NKAIN3: variants seen among roughly 807,000 people sequenced by gnomAD.
NKAIN3 encodes the protein sodium/potassium transporting ATPase interacting 3, also known as sodium/potassium-transporting ATPase subunit beta-1-interacting protein 3.
Under a neutral mutation model 30.2 loss-of-function variants are expected in NKAIN3, and 25 were observed. The ratio of observed to expected loss-of-function variants is 0.83; its 90% confidence interval spans 0.60 to 1.16. The LOEUF is 1.16. NKAIN3 is among the 50% of genes most tolerant of loss of function. The pLI, the probability that NKAIN3 is intolerant of heterozygous loss-of-function variation, is 0.00. For missense variants in NKAIN3, 225 were observed against 254.1 expected, an observed-to-expected ratio of 0.89 and a Z score of 0.78; for synonymous variants, 91 against 89.6, an observed-to-expected ratio of 1.02 and a Z score of -0.09.
intron 1 of NKAIN3, among the ~76,000 whole-genome samples, chr8:62,415,154 T>C (rs564857260): frequency 3.1e-4 from 44 of 142,202 alleles, no homozygotes; most frequent in Non-Finnish European, 4.9e-4. Context: ...TATTATATAC[T>C]ATAGTATATT....
At chr8:62,456,561 C>T (rs1805827318) in intron 1 of NKAIN3, among the ~76,000 whole-genome samples, 1 of 151,884 alleles carries the variant, frequency 6.6e-6, no homozygotes, top group African/African-American at 2.4e-5. Flanking sequence ...TTCTTGATCT[C>T]TGAGAGGGCC....
chr8:62,314,456 C>T (rs987329620), intron 1 of NKAIN3, among the ~76,000 whole-genome samples: 2 of 152,150 alleles, frequency 1.3e-5, no homozygotes, highest in African/African-American at 4.8e-5. Flanking sequence ...CTGAGGTTTG[C>T]GATGAAACCG....
At chr8:62,637,284 C>A (rs1263757231) in intron 3 of NKAIN3, among the ~76,000 whole-genome samples, 1 of 152,148 alleles carries the variant, frequency 6.6e-6, no homozygotes, top group Non-Finnish European at 1.5e-5. Flanking sequence ...ATGGATCAAG[C>A]AAGCCGTGGA....
chr8:62,680,417 T>C (rs1813613492), intron 3 of NKAIN3, among the ~76,000 whole-genome samples: 1 of 152,200 alleles, frequency 6.6e-6, no homozygotes, highest in Admixed American at 6.5e-5. Context: ...TCAGTTGTTA[T>C]AGCAGGCATA....
chr8:62,371,772 A>G lies in NKAIN3; in HGVS notation c.54+122645A>G, dbSNP rs114393277. On this transcript the variant is annotated intron_variant, in intron 1 of 6. Transcript: ENST00000623646. Reference sequence around the variant, plus strand: ...TACTTTAATGCATTCTTTATTTCACATACCCCTATTTTATTGTATGTTGCT... The same window carrying G: ...TACTTTAATGCATTCTTTATTTCACGTACCCCTATTTTATTGTATGTTGCT... Among the ~76,000 whole-genome samples the G allele has an allele frequency of 6.2e-3, 941 of 152,040 alleles. 10 individuals carry two copies. The highest frequency in any genetic ancestry group is 0.022 in the African/African-American group (901 of 41,542).
At chr8:62,791,762 A>G (rs775674758) in intron 4 of NKAIN3, among the ~76,000 whole-genome samples, 5 of 152,114 alleles carry the variant, frequency 3.3e-5, no homozygotes, top group Non-Finnish European at 5.9e-5. Context: ...TGAAAAAACT[A>G]TTATCCATCT....
At chr8:62,320,472 G>A (rs62266816) in intron 1 of NKAIN3, among the ~76,000 whole-genome samples, 3,014 of 152,090 alleles carry the variant, frequency 0.02, 99 homozygotes, top group African/African-American at 0.066. Context: ...GGCTGGTACC[G>A]GTTGTTCCTT....
intron 5 of NKAIN3, among the ~76,000 whole-genome samples, chr8:62,936,265 G>A (rs184967214): frequency 6.6e-6 from 1 of 152,228 alleles, no homozygotes; most frequent in East Asian, 1.9e-4. Context: ...AGGAGTGGGA[G>A]TAGACATCCG....
intron 3 of NKAIN3, among the ~76,000 whole-genome samples, chr8:62,597,242 C>T (rs146999711): frequency 1.9e-3 from 282 of 152,190 alleles, no homozygotes; most frequent in African/African-American, 6.6e-3. Flanking sequence ...AAGCTTACCA[C>T]TGGGGCTTGG....
chr8:62,949,731 T>C (rs1203736692), intron 5 of NKAIN3, among the ~76,000 whole-genome samples: 2 of 152,076 alleles, frequency 1.3e-5, no homozygotes, highest in African/African-American at 4.8e-5. Flanking sequence ...TGCTTTTTTT[T>C]TTTCTAAAAT....
At chr8:62,859,605 C>CGT (rs766002250) in intron 4 of NKAIN3, among the ~76,000 whole-genome samples, 36 of 145,184 alleles carry the variant, frequency 2.5e-4, no homozygotes, top group South Asian at 1.1e-3. Context: ...TACATATATG[C>CGT]GTGTGTGTGT....
chr8:62,706,066 A>G (rs946769228), intron 3 of NKAIN3, among the ~76,000 whole-genome samples: 10 of 152,124 alleles, frequency 6.6e-5, no homozygotes, highest in African/African-American at 1.9e-4. Context: ...GGGAATCCCA[A>G]TAGTTTTTGT....
At chr8:62,632,382 A>C (rs1292336732) in intron 3 of NKAIN3, among the ~76,000 whole-genome samples, 1 of 152,214 alleles carries the variant, frequency 6.6e-6, no homozygotes, top group Non-Finnish European at 1.5e-5. Context: ...TACCTTTTAC[A>C]TATATTATTA....
chr8:62,788,971 C>T (rs1817614957), intron 4 of NKAIN3, among the ~76,000 whole-genome samples: 1 of 152,120 alleles, frequency 6.6e-6, no homozygotes, highest in Non-Finnish European at 1.5e-5. Context: ...TAGCATGATG[C>T]CTCCAGCTTT....
chr8:62,501,266 C>G (rs1309698009), intron 1 of NKAIN3, among the ~76,000 whole-genome samples: 1 of 152,138 alleles, frequency 6.6e-6, no homozygotes, highest in Non-Finnish European at 1.5e-5. Flanking sequence ...TGAGTAGCTA[C>G]TGGGGGCCCC....
intron 1 of NKAIN3, among the ~76,000 whole-genome samples, chr8:62,359,538 G>C (rs1254591357): frequency 1.3e-5 from 2 of 152,166 alleles, no homozygotes; most frequent in Non-Finnish European, 2.9e-5. Context: ...TGGTCCAAGG[G>C]AAGAGGACAG....
At chr8:62,953,394 G>A (rs1043512710) in intron 5 of NKAIN3, among the ~76,000 whole-genome samples, 1 of 152,192 alleles carries the variant, frequency 6.6e-6, no homozygotes, top group Admixed American at 6.5e-5. Context: ...CAGTTACTCT[G>A]CCATTAGGGA....
At chr8:62,559,012 T>C (rs1007266143) in intron 1 of NKAIN3, among the ~76,000 whole-genome samples, 2 of 152,060 alleles carry the variant, frequency 1.3e-5, no homozygotes, top group Non-Finnish European at 2.9e-5. Flanking sequence ...TAATTTCCAG[T>C]TTGAGTCCAT....
chr8:62,962,619 G>A (rs1823599775), intron 6 of NKAIN3, among the ~76,000 whole-genome samples: 1 of 152,176 alleles, frequency 6.6e-6, no homozygotes, highest in African/African-American at 2.4e-5. Flanking sequence ...CCGCCTAGAT[G>A]CCAGTAACAC....
Sources: gnomAD v4.1 joint callset for allele counts (sites outside exome capture counted in the v4.1 genomes callset) on GRCh38, gnomAD v4.1.1 for gene constraint, MANE v1.5 for transcripts, NCBI Gene and HGNC (gene_info 2026-07-23, HGNC 2026-07-21) for gene names.